MBD2: variants seen among roughly 807,000 people sequenced by gnomAD.
MBD2 encodes methyl-CpG binding domain protein 2, also known as methyl-CpG-binding domain protein 2.
MBD2 carries 9 observed loss-of-function variants against 39.3 expected under a neutral mutation model. That is an observed-to-expected ratio of 0.23 (90% CI 0.14 to 0.40). The LOEUF (loss-of-function observed/expected upper bound fraction) is 0.40. Among genes scored for constraint, MBD2 ranks in the 10% least tolerant of loss-of-function variants. The probability of loss-of-function intolerance (pLI) is 1.00; values close to 1 mark genes in which losing one functional copy is unlikely to be tolerated. For missense variants in MBD2, 458 were observed against 532.6 expected, an observed-to-expected ratio of 0.86 and a Z score of 1.38; for synonymous variants, 233 against 211.1, an observed-to-expected ratio of 1.10 and a Z score of -0.90.
chr18:54,193,952 A>G (rs1194310680), intron 2 of MBD2, among the ~76,000 whole-genome samples: 1 of 152,206 alleles, frequency 6.6e-6, no homozygotes, highest in Non-Finnish European at 1.5e-5. Context: ...CATAAGACTT[A>G]AAGGACAACT....
chr18:54,203,368 A>G (rs562717792), intron 2 of MBD2, among the ~76,000 whole-genome samples: 2 of 152,222 alleles, frequency 1.3e-5, no homozygotes, highest in South Asian at 2.1e-4. Context: ...AAGTAACCCC[A>G]GAATAAAGGT....
At chr18:54,178,512 T>C (rs1305539531) in intron 3 of MBD2, among the ~76,000 whole-genome samples, 2 of 151,272 alleles carry the variant, frequency 1.3e-5, no homozygotes, top group East Asian at 1.9e-4. Flanking sequence ...CTCAGAAAGC[T>C]GGAAATAAAA....
intron 3 of MBD2, among the ~76,000 whole-genome samples, chr18:54,172,551 A>G (rs544820288): frequency 6.6e-6 from 1 of 152,344 alleles, no homozygotes; most frequent in Non-Finnish European, 1.5e-5. Flanking sequence ...GACCACACTG[A>G]AAAGCATCTA....
chr18:54,210,741 G>A (rs1415706000), intron 1 of MBD2, among the ~76,000 whole-genome samples: 2 of 151,938 alleles, frequency 1.3e-5, no homozygotes, highest in African/African-American at 4.8e-5. Flanking sequence ...AGCATGTTCA[G>A]AGGCACATCA....
In MBD2 at chr18:54,188,984, G is replaced by T; in HGVS notation, c.730C>A (p.Pro244Thr). Residue 244 changes from proline (P) to threonine (T), a missense_variant, in exon 3 of 7, where the codon CCA becomes ACA. Pro to Thr is a conservative substitution (Grantham distance 38). Around this residue, in one of 2 missense-constraint regions of MBD2, gnomAD observed 189 missense variants for 296.6 expected, o/e 0.64. Coordinates refer to ENST00000256429, the MANE Select transcript of MBD2 (RefSeq NM_003927.5). ...AAAATTGATGCTGTTTGTCTAATTG[G>T]CAATGTTGTATTCAAGTCTGGTTTA... ...KGKPDLNTTLPIRQTASIFKQ... is the reference protein window; with the variant it reads ...KGKPDLNTTLTIRQTASIFKQ... 6.2e-7 allele frequency: 1 copy of T among 1,607,382 alleles called. No homozygotes were observed.
At chr18:54,220,092 C>T (rs182404990) in intron 1 of MBD2, among the ~76,000 whole-genome samples, 96 of 152,236 alleles carry the variant, frequency 6.3e-4, no homozygotes, top group Middle Eastern at 3.4e-3. Context: ...TGAGCCACAG[C>T]GACCGACCTA....
In MBD2 at chr18:54,204,893, C is replaced by A. The variant is rs760883005; in HGVS notation, c.702+105G>T. ...GGTGGGCAGGGTATGGGGACATGCA[C>A]GGGACATTTGGACAACCAAAATTCC... On this transcript the variant is annotated intron_variant, in intron 2 of 6. Transcript: ENST00000256429. The A allele has an allele frequency of 1.8e-4, 191 of 1,087,658 alleles. 1 individual carries two copies. The highest frequency in any genetic ancestry group is 2.0e-4 in the Non-Finnish European group (148 of 738,558). The allele number at this position is 1,087,658 out of a possible 1,614,324, so 67.4% of individuals were successfully genotyped here.
chr18:54,202,842 T>C (rs2086417892), intron 2 of MBD2: 5 of 1,477,486 alleles, frequency 3.4e-6, no homozygotes, highest in Middle Eastern at 2.4e-4. Flanking sequence ...GCTCACAGTC[T>C]AGCTGAAGCA....
At chr18:54,192,930 C>T (rs897498783) in intron 2 of MBD2, among the ~76,000 whole-genome samples, 8 of 152,218 alleles carry the variant, frequency 5.3e-5, no homozygotes, top group African/African-American at 1.7e-4. Context: ...AGACATTATT[C>T]AAAATGTGCT....
At chr18:54,185,556 G>T (rs1164679870) in intron 3 of MBD2, among the ~76,000 whole-genome samples, 4 of 152,114 alleles carry the variant, frequency 2.6e-5, no homozygotes, top group Non-Finnish European at 4.4e-5. Flanking sequence ...AGAAATGGTA[G>T]TTCTTCACAT....
At chr18:54,218,647 CT>C (rs370021795) in intron 1 of MBD2, among the ~76,000 whole-genome samples, 3 of 152,144 alleles carry the variant, frequency 2.0e-5, no homozygotes, top group African/African-American at 7.2e-5. Flanking sequence ...ATAACTGTAC[CT>C]GTTTCATAGG....
chr18:54,224,446 GC>G lies in MBD2; in HGVS notation c.113del (p.Gly38AlafsTer9). ...TCACCGGGGACGGGGCGAGCGCGCT[GC>G]CCTGGCCCCCCTGCTCTATGGCGGA... is the stretch of plus-strand genomic sequence containing the variant. Reference protein sequence around the residue: ...GDSAIEQGGQGSALAPSPVSG... With the variant: ...GDSAIEQGGQXSALAPSPVSG... On this transcript the variant is annotated frameshift_variant, in exon 1 of 7. Coordinates refer to ENST00000256429, the MANE Select transcript of MBD2 (RefSeq NM_003927.5). LOFTEE classifies it high-confidence loss of function. The G allele has an allele frequency of 8.1e-7, 1 of 1,238,264 alleles. No individual in the cohort carries two copies. Among genetic ancestry groups the G allele is most frequent in the South Asian group, 3.6e-5 (1 of 27,894 alleles). 76.7% of individuals were successfully genotyped at this position (1,238,264 alleles called of 1,614,324 possible).
intron 3 of MBD2, among the ~76,000 whole-genome samples, chr18:54,171,658 A>G (rs1055662296): frequency 4.6e-5 from 7 of 152,210 alleles, no homozygotes; most frequent in South Asian, 4.1e-4. Flanking sequence ...TTACCCAGTG[A>G]AACTATGCCC....
At chr18:54,201,539 A>G (rs2086407624) in intron 2 of MBD2, among the ~76,000 whole-genome samples, 2 of 152,156 alleles carry the variant, frequency 1.3e-5, no homozygotes, top group Admixed American at 1.3e-4. Context: ...TCCTAAAATA[A>G]TTAAAAACCA....
chr18:54,218,349 A>G (rs2086579494), intron 1 of MBD2, among the ~76,000 whole-genome samples: 2 of 152,214 alleles, frequency 1.3e-5, no homozygotes, highest in Non-Finnish European at 2.9e-5. Flanking sequence ...CAATAGCTTC[A>G]CTACCAAATA....
In MBD2 at chr18:54,224,215, G is replaced by A. The variant is rs1451053482; in HGVS notation, c.345C>T (p.Gly115=). 1.9e-6 allele frequency: 2 copies of A among 1,054,276 alleles called. No homozygotes were observed. Among genetic ancestry groups the A allele is most frequent in the East Asian group, 5.0e-5 (1 of 19,944 alleles). The allele number at this position is 1,054,276 out of a possible 1,614,324, so 65.3% of individuals were successfully genotyped here. A position where few individuals can be genotyped will look rare whatever the true frequency, so the allele number is the denominator to read the frequency against. ...GCCGGGGGGCGCCGCCGCCACCGCT[G>A]CCGCCGCCGCCGCAGCCGCCGCCGT... ...GGDGGGCGGG[G]SGGGGAPRRE... is the part of the protein sequence containing the mutation. The change falls in exon 1 of 7, where the codon GGC becomes GGT. Residue 115 remains glycine, a synonymous_variant. Transcript: ENST00000256429.
intron 2 of MBD2, among the ~76,000 whole-genome samples, chr18:54,196,647 A>G (rs1183650096): frequency 6.6e-6 from 1 of 152,128 alleles, no homozygotes; most frequent in East Asian, 1.9e-4. Flanking sequence ...AGGACCTATA[A>G]AAGTTCTGTT....
chr18:54,175,807 C>T (rs564552489), intron 3 of MBD2, among the ~76,000 whole-genome samples: 1 of 152,316 alleles, frequency 6.6e-6, no homozygotes, highest in South Asian at 2.1e-4. Flanking sequence ...CCCTGTCCTA[C>T]TTCACTGATA....
intron 3 of MBD2, among the ~76,000 whole-genome samples, chr18:54,168,598 T>TATATATATATATAC (rs1491141841): frequency 1.5e-5 from 2 of 136,022 alleles, no homozygotes; most frequent in Admixed American, 7.4e-5. Context: ...TATATATATA[T>TATATATATATATAC]TTATGTATGC....
Sources: allele counts gnomAD v4.1 joint callset (sites outside exome capture counted in the v4.1 genomes callset), GRCh38; gene constraint gnomAD v4.1.1; regional missense constraint gnomAD v4.1.1; transcripts MANE v1.5; gene names NCBI Gene and HGNC (gene_info 2026-07-23, HGNC 2026-07-21).